PHLDB2: variants seen among roughly 807,000 people sequenced by gnomAD.
The protein encoded by PHLDB2 is pleckstrin homology like domain family B member 2.
In PHLDB2, 71 loss-of-function variants were observed where a neutral mutation model predicts 123.6. The observed-to-expected ratio is 0.57, with a 90% CI of 0.47 to 0.70. The LOEUF is 0.70. PHLDB2 is among the 30% of genes least tolerant of loss of function. The probability of loss-of-function intolerance (pLI) is 0.00; values close to 1 mark genes in which losing one functional copy is unlikely to be tolerated. For synonymous variants in PHLDB2, 547 were observed against 541.6 expected (o/e 1.01, Z -0.14); for missense variants, 1,446 against 1,519.5 (o/e 0.95, Z 0.80).
intron 1 of PHLDB2, among the ~76,000 whole-genome samples, chr3:111,748,582 C>T (rs549264120): frequency 3.9e-5 from 6 of 152,138 alleles, no homozygotes; most frequent in South Asian, 2.1e-4. Flanking sequence ...AGTACAGTGG[C>T]GCGATCTCGG....
intron 2 of PHLDB2, among the ~76,000 whole-genome samples, chr3:111,853,154 T>C (rs1425134263): frequency 9.9e-5 from 15 of 152,168 alleles, no homozygotes; most frequent in Admixed American, 9.8e-4. Flanking sequence ...AATAAGGTTA[T>C]TGGAATAAAA....
At chr3:111,927,406 G>T (rs2068874108) in intron 5 of PHLDB2, among the ~76,000 whole-genome samples, 1 of 152,164 alleles carries the variant, frequency 6.6e-6, no homozygotes, top group African/African-American at 2.4e-5. Flanking sequence ...TGAAGGCTTA[G>T]AGACTATAAA....
At chr3:111,855,431 TTC>T (rs1252429598), upstream of PHLDB2, among the ~76,000 whole-genome samples, 31 of 151,090 alleles carry the variant, frequency 2.1e-4, 1 homozygote, top group East Asian at 3.8e-3. Flanking sequence ...CTTTCTTTCT[TTC>T]TCTCTCTCCC....
At position 111,884,425 on chromosome 3, in the gene PHLDB2, C is replaced by T; in HGVS notation, c.348C>T (p.Ser116=). The change falls in exon 2 of 18, where the codon TCC becomes TCT. Residue 116 remains serine, a synonymous_variant. Coordinates refer to ENST00000431670, the MANE Select transcript of PHLDB2 (RefSeq NM_001134438.2). ...KPPTPLLNTT[S]SLSGYPLGRA... ...CAACTCCTTTACTCAACACTACATC[C>T]TCCCTCAGTGGATATCCACTTGGAA... The T allele has an allele frequency of 6.2e-7, 1 of 1,614,194 alleles. No individual in the cohort carries two copies. The highest frequency in any genetic ancestry group is 2.2e-5 in the East Asian group (1 of 44,876).
chr3:111,838,006 C>T (rs1298359196), intron 1 of PHLDB2, among the ~76,000 whole-genome samples: 1 of 151,834 alleles, frequency 6.6e-6, no homozygotes, highest in Non-Finnish European at 1.5e-5. Flanking sequence ...CGTCCCACCG[C>T]ACTCCAGCCT....
chr3:111,813,672 A>G (rs570427455), intron 1 of PHLDB2, among the ~76,000 whole-genome samples: 1 of 152,330 alleles, frequency 6.6e-6, no homozygotes, highest in South Asian at 2.1e-4. Flanking sequence ...TTATAAACCA[A>G]TTGGAAAAAC....
At chr3:111,950,721 T>C (rs2107631851) in intron 10 of PHLDB2, among the ~76,000 whole-genome samples, 1 of 152,314 alleles carries the variant, frequency 6.6e-6, no homozygotes, top group South Asian at 2.1e-4. Context: ...TGGTTGGTCA[T>C]GCTTAGCCCT....
chr3:111,748,624 C>T (rs2059719597), intron 1 of PHLDB2, among the ~76,000 whole-genome samples: 3 of 152,044 alleles, frequency 2.0e-5, no homozygotes, highest in Admixed American at 6.6e-5. Flanking sequence ...TGGGTTCGAG[C>T]GATTCTCTTG....
At chr3:111,915,969 C>T (rs1391140976) in intron 3 of PHLDB2, 1 of 152,194 alleles carries the variant, frequency 6.6e-6, no homozygotes, top group African/African-American at 2.4e-5. Context: ...CCTTTGCTTC[C>T]TTTTGATCTT....
intron 10 of PHLDB2, chr3:111,949,897 A>G (rs897925535): frequency 3.5e-5 from 34 of 984,524 alleles, no homozygotes; most frequent in Middle Eastern, 1.0e-3. Flanking sequence ...ACAGGTAATT[A>G]GGAACTGGAA....
rs1379348786 is a variant in PHLDB2 at position 111,967,908 on chromosome 3, G to T, written c.3315+84G>T. 10 of 1,237,018 alleles carry T rather than the reference G, an allele frequency of 8.1e-6. No homozygotes were observed. The Admixed American group carries it at 2.4e-4, about 29-fold the overall frequency. The allele number at this position is 1,237,018 out of a possible 1,614,324, so 76.6% of individuals were successfully genotyped here. On this transcript the variant is annotated intron_variant, in intron 15 of 17. Coordinates refer to ENST00000431670, the MANE Select transcript of PHLDB2 (RefSeq NM_001134438.2). ...AGACAGCTGTTCTGTGTCTGAGGAT[G>T]CTTTCCTGGGCACTGAGCATTAGCA...
At chr3:111,792,693 C>T (rs1576620061) in intron 1 of PHLDB2, among the ~76,000 whole-genome samples, 1 of 152,076 alleles carries the variant, frequency 6.6e-6, no homozygotes, top group Admixed American at 6.5e-5. Context: ...GGTGACCAAA[C>T]AAGACCCTGT....
intron 2 of PHLDB2, among the ~76,000 whole-genome samples, chr3:111,894,682 G>C (rs3933041): frequency 1.3e-5 from 2 of 150,700 alleles, no homozygotes; most frequent in African/African-American, 4.9e-5. Flanking sequence ...CTTTTTTTTC[G>C]TATGTTTGTT....
intron 1 of PHLDB2, among the ~76,000 whole-genome samples, chr3:111,825,212 C>A (rs2062597981): frequency 6.6e-6 from 1 of 152,258 alleles, no homozygotes; most frequent in East Asian, 1.9e-4. Context: ...AGCAAACATA[C>A]AAAAGGTTGT....
chr3:111,844,672 G>A (rs879855653), intron 1 of PHLDB2, among the ~76,000 whole-genome samples: 1 of 152,132 alleles, frequency 6.6e-6, no homozygotes, highest in Admixed American at 6.6e-5. Context: ...AATATACCAA[G>A]AGCAATATAA....
At chr3:111,925,650 CAG>C (rs2068770256) in intron 5 of PHLDB2, among the ~76,000 whole-genome samples, 1 of 152,334 alleles carries the variant, frequency 6.6e-6, no homozygotes, top group East Asian at 1.9e-4. Flanking sequence ...GGCCTGGTGA[CAG>C]AGTAGGGAAA....
At chr3:111,814,497 A>G (rs547936556) in intron 1 of PHLDB2, among the ~76,000 whole-genome samples, 1 of 152,122 alleles carries the variant, frequency 6.6e-6, no homozygotes, top group Non-Finnish European at 1.5e-5. Flanking sequence ...TCCTTTATAT[A>G]TGAGCAGTTC....
At chr3:111,946,654 A>G (rs2070329200) in intron 9 of PHLDB2, among the ~76,000 whole-genome samples, 2 of 152,246 alleles carry the variant, frequency 1.3e-5, no homozygotes, top group South Asian at 4.1e-4. Flanking sequence ...TCATGGCCTA[A>G]GACAATGTTA....
chr3:111,773,946 G>A (rs1201421493), intron 1 of PHLDB2, among the ~76,000 whole-genome samples: 1 of 152,166 alleles, frequency 6.6e-6, no homozygotes, highest in Non-Finnish European at 1.5e-5. Flanking sequence ...GTAACAGCAG[G>A]TACCAGGAAA....
Sources: gnomAD v4.1 joint callset for allele counts (sites outside exome capture counted in the v4.1 genomes callset) on GRCh38, gnomAD v4.1.1 for gene constraint, MANE v1.5 for transcripts, NCBI Gene and HGNC (gene_info 2026-07-23, HGNC 2026-07-21) for gene names.